Variants in LONP1 observed in about 807,000 individuals in gnomAD.
LONP1 encodes the protein lon peptidase 1, mitochondrial, also known as lon protease homolog, mitochondrial.
LONP1 carries 31 observed loss-of-function variants against 98.5 expected under a neutral mutation model. The observed-to-expected ratio is 0.31, with a 90% confidence interval of 0.24 to 0.42. The LOEUF is 0.42. Ranked by LOEUF, LONP1 falls within the 20% of genes least tolerant of loss-of-function variation. The pLI, the probability that LONP1 is intolerant of heterozygous loss-of-function variation, is 1.00. For missense variants in LONP1, 1,336 were observed against 1,350.6 expected (o/e 0.99, Z 0.17); for synonymous variants, 781 against 594.7 (o/e 1.31, Z -4.56).
chr19:5,692,919 C>A (rs888949446), intron 17 of LONP1, among the ~76,000 whole-genome samples: 17 of 152,028 alleles, frequency 1.1e-4, no homozygotes, highest in Admixed American at 9.8e-4. Context: ...CAGTGGCGCT[C>A]CAACCTGCTC....
At position 5,694,433 on chromosome 19, in the gene LONP1, G is replaced by T. The variant is rs376302399; in HGVS notation, c.2274C>A (p.Asp758Glu). 1 of 1,613,476 alleles carries T rather than the reference G, an allele frequency of 6.2e-7. No individual in the cohort carries two copies. The highest frequency in any genetic ancestry group is 1.7e-5 in the Admixed American group (1 of 60,006). Residue 758 changes from aspartate to glutamate, a missense_variant, in exon 15 of 18, where the codon GAC becomes GAA. Asp to Glu is a conservative substitution (Grantham distance 45). Around this residue, in one of 5 missense-constraint regions of LONP1, gnomAD observed 555 missense variants for 542.6 expected, o/e 1.02. Coordinates refer to ENST00000360614, the MANE Select transcript of LONP1 (RefSeq NM_004793.4). ...CCATGACCACGCCGGGCGGTGTCAC[G>T]TCATACATGCGCTCCACGGTGAACA... ...KPVFTVERMY[D>E]VTPPGVVMGL...
chr19:5,691,945 C>A lies in LONP1; in HGVS notation c.*87G>T. ...CCGAGCTGCTCGCTCGGTGGCTCCA[C>A]TGCCAGGTCCGGGCGCGCTCCCCAC... On this transcript the variant is annotated 3_prime_UTR_variant, in exon 18 of 18. Coordinates refer to ENST00000360614, the MANE Select transcript of LONP1 (RefSeq NM_004793.4). 1 of 932,946 alleles carries A rather than the reference C, an allele frequency of 1.1e-6. No individual in the cohort carries two copies. Among genetic ancestry groups the A allele is most frequent in the Non-Finnish European group, 1.5e-6 (1 of 654,828 alleles). 57.8% of individuals were successfully genotyped at this position (932,946 alleles called of 1,614,324 possible).
intron 10 of LONP1, among the ~76,000 whole-genome samples, chr19:5,698,247 C>T (rs901933248): frequency 3.9e-5 from 6 of 152,108 alleles, no homozygotes; most frequent in Admixed American, 6.5e-5. Flanking sequence ...AGGCCTGAGC[C>T]GGGAGGTCGG....
At position 5,694,815 on chromosome 19, in the gene LONP1, G is replaced by C; in HGVS notation, c.2100C>G (p.Ile700Met). Residue 700 changes from isoleucine (I) to methionine (M), a missense_variant, in exon 14 of 18, where the codon ATC (isoleucine) becomes ATG (methionine). Transcript: ENST00000360614. ...CACCGCTCTCGCGGCAGTACTGCTTGATGAGCAGCGTCAGCACGTCCGATG... is the reference window on the plus strand; with the variant it reads ...CACCGCTCTCGCGGCAGTACTGCTTCATGAGCAGCGTCAGCACGTCCGATG... ...KLSSDVLTLL[I>M]KQYCRESGVR... 4.4e-6 allele frequency: 7 copies of C among 1,600,546 alleles called. No individual in the cohort carries two copies. Among genetic ancestry groups the C allele is most frequent in the Non-Finnish European group, 6.0e-6 (7 of 1,169,750 alleles).
At chr19:5,703,480 G>A (rs753314803) in intron 8 of LONP1, among the ~76,000 whole-genome samples, 9 of 152,092 alleles carry the variant, frequency 5.9e-5, no homozygotes, top group South Asian at 4.1e-4. Context: ...AGTGAGCAGC[G>A]GCCACTATGG....
Position 5,696,662 on chromosome 19 carries a change from G to C in LONP1, c.1773+8C>G, listed in dbSNP as rs775776260. 1.3e-6 allele frequency: 2 copies of C among 1,588,548 alleles called. No individual in the cohort carries two copies. The highest frequency in any genetic ancestry group is 4.5e-5 in the East Asian group (2 of 44,256). Reference sequence around the variant, plus strand: ...GGTTAGGGGGTCTCCGGGCCTCTCCGCACGCACCTCGTCGATGAGGATCAG... The same window carrying C: ...GGTTAGGGGGTCTCCGGGCCTCTCCCCACGCACCTCGTCGATGAGGATCAG... On this transcript the variant is annotated splice_region_variant and intron_variant, in intron 11 of 17. Transcript: ENST00000360614.
chr19:5,708,432 G>T, intron 4 of LONP1, 29 bp from the exon 5 acceptor site: 1 of 687,940 alleles, frequency 1.5e-6, no homozygotes, highest in Non-Finnish European at 2.4e-6. Flanking sequence ...GGTCGCTGGG[G>T]CCCAGCAGTG....
At chr19:5,702,184 C>A (rs1479341518) in intron 8 of LONP1, among the ~76,000 whole-genome samples, 1 of 150,750 alleles carries the variant, frequency 6.6e-6, no homozygotes, top group Non-Finnish European at 1.5e-5. Flanking sequence ...CGGCCAGCCG[C>A]CCCCTCCGGG....
chr19:5,708,524 A>G, intron 4 of LONP1, 121 bp from the exon 5 acceptor site: 1 of 417,518 alleles, frequency 2.4e-6, no homozygotes, highest in Non-Finnish European at 4.3e-6. Flanking sequence ...CCCTCCGCCA[A>G]CTGGCCCTGG....
rs768613386 is a variant in LONP1, at chr19:5,693,536, C to G, written c.2538+16G>C. On this transcript the variant is annotated intron_variant, in intron 16 of 17. Coordinates refer to ENST00000360614, the MANE Select transcript of LONP1 (RefSeq NM_004793.4). Reference sequence around the variant, plus strand: ...GGGACTGGGCGGGAGCAGGTGGGAGCGGATGGCGCGGTCACCTCGGGCACA... The same window carrying G: ...GGGACTGGGCGGGAGCAGGTGGGAGGGGATGGCGCGGTCACCTCGGGCACA... The G allele has an allele frequency of 6.2e-7, 1 of 1,613,690 alleles. No homozygotes were observed. Among genetic ancestry groups the G allele is most frequent in the Admixed American group, 1.7e-5 (1 of 60,012 alleles).
rs754333388 is a variant in LONP1 at position 5,711,865 on chromosome 19, G to A, written c.776C>T (p.Ala259Val). The change falls in exon 4 of 18, where the codon GCG (alanine) becomes GTG (valine). Residue 259 changes from alanine to valine, a missense_variant. Around this residue, in one of 5 missense-constraint regions of LONP1, gnomAD observed 457 missense variants for 403.1 expected, o/e 1.13. Transcript: ENST00000360614. ...CGGGAGCTCAGGGGTGGGCTCCATC[G>A]CCAGCTCCGCCGGGTGCCTGGCGCT... is the stretch of plus-strand genomic sequence containing the variant. Reference protein sequence around the residue: ...ELSARHPAELAMEPTPELPAE... With the variant: ...ELSARHPAELVMEPTPELPAE... The A allele has an allele frequency of 2.0e-5, 32 of 1,612,562 alleles. No individual in the cohort carries two copies. The highest frequency in any genetic ancestry group is 2.7e-5 in the African/African-American group (2 of 74,928).
At chr19:5,716,971 T>G (rs972599001) in intron 1 of LONP1, among the ~76,000 whole-genome samples, 17 of 152,160 alleles carry the variant, frequency 1.1e-4, no homozygotes, top group African/African-American at 3.6e-4. Context: ...TTTTTTTGTA[T>G]TTTTAGTAGA....
intron 13 of LONP1, among the ~76,000 whole-genome samples, chr19:5,695,184 T>C (rs1481455429): frequency 6.6e-6 from 1 of 152,110 alleles, no homozygotes; most frequent in East Asian, 1.9e-4. Flanking sequence ...CCCCATGGGC[T>C]GGCCCCATAC....
intron 7 of LONP1, among the ~76,000 whole-genome samples, chr19:5,706,215 T>C (rs889537352): frequency 6.6e-6 from 1 of 152,078 alleles, no homozygotes; most frequent in Admixed American, 6.5e-5. Flanking sequence ...TAGCTCACCG[T>C]AGCCTCCACC....
At chr19:5,707,023 G>T in intron 7 of LONP1, 37 bp downstream of exon 7, 5 of 1,559,008 alleles carry the variant, frequency 3.2e-6, no homozygotes, top group Non-Finnish European at 4.4e-6. Context: ...CGAGGGGAAG[G>T]CCCCCAAGAG....
intron 5 of LONP1, 120 bp downstream of exon 5, chr19:5,708,222 C>G: frequency 9.5e-7 from 1 of 1,051,398 alleles, no homozygotes; most frequent in Non-Finnish European, 1.4e-6. Flanking sequence ...ACACAGGCCA[C>G]TCCTTGGGGC....
intron 7 of LONP1, among the ~76,000 whole-genome samples, chr19:5,706,820 G>A (rs2055153035): frequency 6.6e-6 from 1 of 152,234 alleles, no homozygotes; most frequent in African/African-American, 2.4e-5. Context: ...TCCTGAGACT[G>A]CTCCACCCTG....
At chr19:5,697,887 G>A (rs932533408) in intron 10 of LONP1, among the ~76,000 whole-genome samples, 35 of 151,902 alleles carry the variant, frequency 2.3e-4, no homozygotes, top group African/African-American at 6.0e-4. Context: ...TCTCTCCTCC[G>A]GCCCGCACCT....
intron 4 of LONP1, among the ~76,000 whole-genome samples, chr19:5,711,389 C>T (rs2145622631): frequency 6.6e-6 from 1 of 152,312 alleles, no homozygotes; most frequent in South Asian, 2.1e-4. Flanking sequence ...GGCCAACAGG[C>T]TGTTTCCTGT....
Sources: allele counts gnomAD v4.1 joint callset (sites outside exome capture counted in the v4.1 genomes callset), GRCh38; gene constraint gnomAD v4.1.1; regional missense constraint gnomAD v4.1.1; transcripts MANE v1.5; gene names NCBI Gene and HGNC (gene_info 2026-07-23, HGNC 2026-07-21).